The following CNTNAP2 variants were observed in gnomAD, a reference collection of about 807,000 sequenced individuals.
The protein encoded by CNTNAP2 is contactin associated protein 2.
A neutral mutation model predicts 155.2 loss-of-function variants in CNTNAP2; 98 were observed. The ratio of observed to expected loss-of-function variants is 0.63; its 90% CI spans 0.54 to 0.75. The LOEUF (loss-of-function observed/expected upper bound fraction) is 0.75, where lower values mean the gene tolerates loss of function less well. Ranked by LOEUF, CNTNAP2 falls within the 30% of genes least tolerant of loss-of-function variation. The probability of loss-of-function intolerance (pLI) is 0.00; values close to 1 mark genes in which losing one functional copy is unlikely to be tolerated. For synonymous variants in CNTNAP2, 651 were observed against 631.2 expected (o/e 1.03, Z -0.47); for missense variants, 1,727 against 1,688.1 (o/e 1.02, Z -0.40).
rs866062493 is a variant in CNTNAP2 at position 147,564,650 on chromosome 7, T to A, written c.1897+2393T>A. ...AACTATAATATACATAATTCTCATA[T>A]CAAGGACACACACAACACACAGGAC... On this transcript the variant is annotated intron_variant, in intron 12 of 23. Coordinates refer to ENST00000361727, the MANE Select transcript of CNTNAP2 (RefSeq NM_014141.6). Among the ~76,000 whole-genome samples the A allele has an allele frequency of 1.8e-4, 27 of 152,174 alleles. 1 individual carries two copies. The highest frequency in any genetic ancestry group is 5.5e-4 in the African/African-American group (23 of 41,442).
At chr7:146,465,428 G>A (rs79037930) in intron 1 of CNTNAP2, among the ~76,000 whole-genome samples, 3,211 of 152,198 alleles carry the variant, frequency 0.021, 73 homozygotes, top group African/African-American at 0.052. Context: ...CTCCATCTAA[G>A]TTCCAGAGCT....
chr7:146,597,174 T>A (rs566524576), intron 1 of CNTNAP2, among the ~76,000 whole-genome samples: 1 of 152,076 alleles, frequency 6.6e-6, no homozygotes, highest in African/African-American at 2.4e-5. Context: ...TCATCACTGG[T>A]CTTTTATCAT....
chr7:148,046,465 C>T (rs1030319628), intron 15 of CNTNAP2, among the ~76,000 whole-genome samples: 1 of 151,980 alleles, frequency 6.6e-6, no homozygotes, highest in African/African-American at 2.4e-5. Flanking sequence ...ATTTTTTATA[C>T]TATTCTAATT....
chr7:148,148,770 G>A (rs1017182762), intron 17 of CNTNAP2, among the ~76,000 whole-genome samples: 2 of 152,230 alleles, frequency 1.3e-5, no homozygotes, highest in African/African-American at 4.8e-5. Flanking sequence ...TTCATTTTGT[G>A]TGATGTCGGC....
chr7:146,427,199 G>T lies in CNTNAP2; in HGVS notation c.97+310226G>T, dbSNP rs369780678. Among the ~76,000 whole-genome samples the T allele has an allele frequency of 1.8e-4, 27 of 152,102 alleles. No individual in the cohort carries two copies. In the South Asian group the frequency reaches 5.4e-3, roughly 30 times the overall value. Reference sequence around the variant, plus strand: ...ATCGCTTTTAAGTTTCACCTCCAAGGTCATATTTACTTAATGACTTGGAAA... The same window carrying T: ...ATCGCTTTTAAGTTTCACCTCCAAGTTCATATTTACTTAATGACTTGGAAA... On this transcript the variant is annotated intron_variant, in intron 1 of 23. Coordinates refer to ENST00000361727, the MANE Select transcript of CNTNAP2 (RefSeq NM_014141.6).
intron 8 of CNTNAP2, among the ~76,000 whole-genome samples, chr7:147,256,290 G>C (rs1323449082): frequency 6.6e-6 from 1 of 152,148 alleles, no homozygotes; most frequent in African/African-American, 2.4e-5. Flanking sequence ...CAGAGTGAGA[G>C]AGAAAGATGG....
chr7:147,561,165 C>T (rs1800056592), intron 11 of CNTNAP2, among the ~76,000 whole-genome samples: 3 of 152,066 alleles, frequency 2.0e-5, no homozygotes. Context: ...ATAAGCTTAA[C>T]AATGTTTTGT....
chr7:146,306,571 A>G (rs7776630), intron 1 of CNTNAP2, among the ~76,000 whole-genome samples: 21,758 of 152,056 alleles, frequency 0.14, 4,056 homozygotes, highest in African/African-American at 0.43. Flanking sequence ...CTTCATCCCT[A>G]GGATGCAAGG....
chr7:147,239,124 C>A (rs1286519200), intron 8 of CNTNAP2, among the ~76,000 whole-genome samples: 1 of 152,086 alleles, frequency 6.6e-6, no homozygotes, highest in African/African-American at 2.4e-5. Context: ...ATCAAAGATT[C>A]TCTCAGTCAG....
Position 146,439,772 on chromosome 7 carries a change from T to C in CNTNAP2, c.97+322799T>C, listed in dbSNP as rs185405531. Among the ~76,000 whole-genome samples the C allele has an allele frequency of 3.0e-3, 454 of 151,646 alleles. 5 individuals carry two copies. The highest frequency in any genetic ancestry group is 4.9e-3 in the Non-Finnish European group (332 of 68,022). On this transcript the variant is annotated intron_variant, in intron 1 of 23. Coordinates refer to ENST00000361727, the MANE Select transcript of CNTNAP2 (RefSeq NM_014141.6). ...AGGTACTTAAAAAAACACCTTTCCT[T>C]ACATTGTATGCAAAATTAGCATATT...
chr7:146,445,248 CGTT>C (rs1366522191), intron 1 of CNTNAP2, among the ~76,000 whole-genome samples: 2 of 152,034 alleles, frequency 1.3e-5, no homozygotes, highest in South Asian at 2.1e-4. Context: ...TTATGCCTGA[CGTT>C]GTTGTAACTG....
intron 1 of CNTNAP2, among the ~76,000 whole-genome samples, chr7:146,707,057 C>T (rs191567774): frequency 7.9e-5 from 12 of 152,232 alleles, no homozygotes. Context: ...GTAAAATCTG[C>T]AATTCGAATG....
chr7:146,539,281 G>A (rs1047241962), intron 1 of CNTNAP2, among the ~76,000 whole-genome samples: 1 of 151,976 alleles, frequency 6.6e-6, no homozygotes, highest in Non-Finnish European at 1.5e-5. Context: ...CTGGTACATG[G>A]GTTTCTGAAG....
intron 1 of CNTNAP2, among the ~76,000 whole-genome samples, chr7:146,477,844 T>C (rs1456465990): frequency 6.6e-6 from 1 of 152,136 alleles, no homozygotes; most frequent in Non-Finnish European, 1.5e-5. Flanking sequence ...TAGGATTAAA[T>C]GAGATAAGGG....
chr7:148,156,225 G>A (rs1240925554), intron 17 of CNTNAP2, among the ~76,000 whole-genome samples: 1 of 152,192 alleles, frequency 6.6e-6, no homozygotes, highest in Non-Finnish European at 1.5e-5. Flanking sequence ...CTATGACATG[G>A]AAATAATGTT....
At chr7:147,950,814 T>C (rs1333435316) in intron 14 of CNTNAP2, among the ~76,000 whole-genome samples, 2 of 152,218 alleles carry the variant, frequency 1.3e-5, no homozygotes, top group South Asian at 4.1e-4. Flanking sequence ...GTTGTCCCTG[T>C]ATTGGGAGGA....
intron 1 of CNTNAP2, among the ~76,000 whole-genome samples, chr7:146,126,197 A>C (rs1343723546): frequency 3.9e-5 from 6 of 152,160 alleles, no homozygotes; most frequent in African/African-American, 1.4e-4. Flanking sequence ...TCTGTGTTCA[A>C]GTTCTCTAAC....
intron 8 of CNTNAP2, among the ~76,000 whole-genome samples, chr7:147,292,443 T>C (rs543360761): frequency 6.6e-6 from 1 of 152,332 alleles, no homozygotes; most frequent in South Asian, 2.1e-4. Context: ...TTTTTGCTTA[T>C]TTTGAATATT....
At chr7:146,207,612 C>T (rs1042682429) in intron 1 of CNTNAP2, among the ~76,000 whole-genome samples, 7 of 140,828 alleles carry the variant, frequency 5.0e-5, no homozygotes, top group Admixed American at 1.4e-4. Flanking sequence ...TTACAAAATA[C>T]TTTCTTCAAA....
Sources: gnomAD v4.1 joint callset for allele counts (sites outside exome capture counted in the v4.1 genomes callset) on GRCh38, gnomAD v4.1.1 for gene constraint, MANE v1.5 for transcripts, NCBI Gene and HGNC (gene_info 2026-07-23, HGNC 2026-07-21) for gene names.